PRDM11: variants seen among roughly 807,000 people sequenced by gnomAD.
The protein encoded by PRDM11 is PR/SET domain 11, also known as PR domain-containing protein 11.
Under a neutral mutation model 97.8 loss-of-function variants are expected in PRDM11, and 20 were observed. That is an observed-to-expected ratio of 0.20 (90% confidence interval 0.14 to 0.30). The LOEUF (loss-of-function observed/expected upper bound fraction) is 0.30. PRDM11 is among the 10% of genes least tolerant of loss of function. PRDM11 has a pLI of 1.00. For synonymous variants in PRDM11, 599 were observed against 637.7 expected, an observed-to-expected ratio of 0.94 and a Z score of 0.91; for missense variants, 1,139 against 1,555.2, an observed-to-expected ratio of 0.73 and a Z score of 4.50.
At chr11:45,171,083 G>A (rs1330581024) in intron 1 of PRDM11, among the ~76,000 whole-genome samples, 1 of 151,898 alleles carries the variant, frequency 6.6e-6, no homozygotes, top group Non-Finnish European at 1.5e-5. Flanking sequence ...GTTTTTTGTT[G>A]TTGTTGTTGT....
chr11:45,094,245 G>C (rs1851851959), upstream of PRDM11, among the ~76,000 whole-genome samples: 1 of 152,190 alleles, frequency 6.6e-6, no homozygotes, highest in African/African-American at 2.4e-5. Context: ...AGGGTAGTGG[G>C]TGGCAGGTAG....
chr11:45,136,238 G>A (rs1852840472), intron 1 of PRDM11, among the ~76,000 whole-genome samples: 1 of 152,186 alleles, frequency 6.6e-6, no homozygotes, highest in Admixed American at 6.5e-5. Context: ...AGGGGAAGAA[G>A]AGAAAATGTT....
chr11:45,170,233 C>T (rs1385218678), intron 1 of PRDM11, among the ~76,000 whole-genome samples: 2 of 152,016 alleles, frequency 1.3e-5, no homozygotes, highest in African/African-American at 4.8e-5. Flanking sequence ...ATCCCAGCTA[C>T]TAGGAAGGCT....
chr11:45,185,883 G>C (rs80330657), intron 4 of PRDM11, among the ~76,000 whole-genome samples: 1 of 151,922 alleles, frequency 6.6e-6, no homozygotes, highest in Non-Finnish European at 1.5e-5. Context: ...TTACCTGGGT[G>C]GGCCCAGTGT....
At chr11:45,147,097 G>T (rs1269059032) in intron 1 of PRDM11, among the ~76,000 whole-genome samples, 13 of 148,748 alleles carry the variant, frequency 8.7e-5, no homozygotes, top group Middle Eastern at 3.8e-3. Context: ...GTGAACCCTC[G>T]GCAGGTAGCT....
intron 4 of PRDM11, among the ~76,000 whole-genome samples, chr11:45,185,535 A>G (rs77710114): frequency 0.015 from 2,278 of 152,106 alleles, 26 homozygotes; most frequent in African/African-American, 0.036. Flanking sequence ...GAAAGACTTT[A>G]GCATCCTCAA....
chr11:45,098,476 T>G (rs56989510), intron 1 of PRDM11, among the ~76,000 whole-genome samples: 12 of 151,732 alleles, frequency 7.9e-5, no homozygotes, highest in African/African-American at 2.9e-4. Flanking sequence ...GAGGTTGGCA[T>G]GAGATGAGGT....
In PRDM11 at chr11:45,227,874, T is replaced by C. The variant is rs1387654141; in HGVS notation, c.3249T>C (p.Thr1083=). 1 of 1,533,904 alleles carries C rather than the reference T, an allele frequency of 6.5e-7. No homozygotes were observed. Among genetic ancestry groups the C allele is most frequent in the Non-Finnish European group, 8.7e-7 (1 of 1,146,720 alleles). ...KIIQVLKVLP[T]STACCEKGRN... ...TCCAGGTTCTTAAAGTCCTCCCCAC[T>C]TCCACCGCTTGCTGCGAGAAAGGCC... The change falls in exon 8 of 8, where the codon ACT becomes ACC. Residue 1083 remains threonine (T), a synonymous_variant. Transcript: ENST00000683152. This position sits in a 1 kb window ranked among gnomAD's most constrained non-coding sequence, Gnocchi z 8.0.
rs1373914461 is a variant in PRDM11 at position 45,127,561 on chromosome 11, A to C, written c.96+31660A>C. Among the ~76,000 whole-genome samples the C allele has an allele frequency of 2.6e-5, 4 of 152,118 alleles. No homozygotes were observed. The East Asian group carries it at 7.7e-4, about 29-fold the overall frequency. ...GTTAGTTTTCCTTCTAACAGACAGG[A>C]CCCTCAGCTGCAGGTCTGTTGGAGT... On this transcript the variant is annotated intron_variant, in intron 1 of 6. Coordinates refer to the PRDM11 transcript ENST00000530656.
At chr11:45,113,688 A>ATTAT (rs1204762697) in intron 1 of PRDM11, among the ~76,000 whole-genome samples, 4 of 151,712 alleles carry the variant, frequency 2.6e-5, no homozygotes, top group Non-Finnish European at 5.9e-5. Context: ...ATATTCCTAA[A>ATTAT]TTATTTATTT....
intron 1 of PRDM11, among the ~76,000 whole-genome samples, chr11:45,113,949 T>C (rs959608849): frequency 3.3e-5 from 5 of 151,998 alleles, no homozygotes; most frequent in Non-Finnish European, 5.9e-5. Context: ...TATACAGTCA[T>C]ATCATCAGTG....
intron 5 of PRDM11, among the ~76,000 whole-genome samples, chr11:45,217,027 G>A (rs1160735302): frequency 6.6e-6 from 1 of 152,212 alleles, no homozygotes; most frequent in Non-Finnish European, 1.5e-5. Flanking sequence ...TATGATTCAA[G>A]TGAGTCTTGT....
At chr11:45,095,343 C>T (rs1851874536), upstream of PRDM11, among the ~76,000 whole-genome samples, 1 of 152,178 alleles carries the variant, frequency 6.6e-6, no homozygotes, top group African/African-American at 2.4e-5. Context: ...CCCTCAGCTC[C>T]CTCAGCCTGA....
intron 4 of PRDM11, among the ~76,000 whole-genome samples, chr11:45,203,684 C>T (rs1203327689): frequency 6.7e-6 from 1 of 150,350 alleles, no homozygotes; most frequent in Non-Finnish European, 1.5e-5. Flanking sequence ...GCAGTGGTGC[C>T]ATCTTGACTC....
chr11:45,101,567 A>AAGAAGAAGAAGAAGAAG lies in PRDM11; in HGVS notation c.96+5667_96+5668insGAAGAAGAAGAAGAAGA, dbSNP rs1554963215. The stretch of plus-strand genomic sequence containing the variant: ...CAACACTCTGTCTCAAAAAAAAAAA[A>AAGAAGAAGAAGAAGAAG]AAGAAGAAGAAGAAGAAGAAGAAGA... On this transcript the variant is annotated intron_variant, in intron 1 of 6. Transcript: ENST00000530656. 6.2e-5 allele frequency among the ~76,000 whole-genome samples: 6 copies of AAGAAGAAGAAGAAGAAG among 96,834 alleles called. 1 individual carries two copies. Among genetic ancestry groups the AAGAAGAAGAAGAAGAAG allele is most frequent in the African/African-American group, 2.9e-4 (6 of 20,506 alleles). The allele number at this position is 96,834 out of a possible 152,430, so 63.5% of individuals were successfully genotyped here.
intron 4 of PRDM11, among the ~76,000 whole-genome samples, chr11:45,195,933 T>C (rs953952945): frequency 6.6e-6 from 1 of 152,220 alleles, no homozygotes; most frequent in Non-Finnish European, 1.5e-5. Context: ...TCTTCATCCA[T>C]TGATGGACAG....
At chr11:45,191,460 C>T (rs1480536732) in intron 4 of PRDM11, among the ~76,000 whole-genome samples, 1 of 152,082 alleles carries the variant, frequency 6.6e-6, no homozygotes, top group Non-Finnish European at 1.5e-5. Flanking sequence ...CAACCTTCAC[C>T]CCCACTCAAT....
rs1449120674 is a variant in PRDM11, at chr11:45,232,696, G to C, written c.*4537G>C. The C allele has an allele frequency of 6.6e-6, 1 of 152,252 alleles. No homozygotes were observed. Among genetic ancestry groups the C allele is most frequent in the African/African-American group, 2.4e-5 (1 of 41,444 alleles). 9.4% of individuals were successfully genotyped at this position (152,252 alleles called of 1,614,324 possible). On this transcript the variant is annotated 3_prime_UTR_variant, in exon 8 of 8. Transcript: ENST00000683152. ...AGTCCTCAGGAGGACCCAAGAGACT[G>C]GCACGGCCCTTCTCCTGCTTGGAGG... is the stretch of plus-strand genomic sequence containing the variant.
intron 1 of PRDM11, among the ~76,000 whole-genome samples, chr11:45,169,688 A>T (rs1318217207): frequency 6.6e-6 from 1 of 150,998 alleles, no homozygotes; most frequent in Non-Finnish European, 1.5e-5. Flanking sequence ...ATGGGTTTTG[A>T]TATCCCCAGG....
Sources: allele counts gnomAD v4.1 joint callset (sites outside exome capture counted in the v4.1 genomes callset), GRCh38; gene constraint gnomAD v4.1.1; non-coding constraint Gnocchi (gnomAD v3.1); transcripts MANE v1.5; gene names NCBI Gene and HGNC (gene_info 2026-07-23, HGNC 2026-07-21).